The following DMBT1 variants were observed in gnomAD, a reference collection of about 807,000 sequenced individuals.
DMBT1 encodes the protein scavenger receptor cysteine-rich domain-containing protein DMBT1.
In DMBT1, 198 loss-of-function variants were observed where a neutral mutation model predicts 252.9. The ratio of observed to expected loss-of-function variants is 0.78; its 90% CI spans 0.70 to 0.88. The LOEUF is 0.88. Ranked by LOEUF, DMBT1 falls within the 40% of genes least tolerant of loss-of-function variation. The pLI is 0.00. For missense variants in DMBT1, 2,432 were observed against 2,404.7 expected (o/e 1.01, Z -0.24); for synonymous variants, 990 against 942.7 (o/e 1.05, Z -0.92).
At chr10:122,634,428 TC>T (rs1187460531) in intron 52 of DMBT1, among the ~76,000 whole-genome samples, 6,295 of 76,670 alleles carry the variant, frequency 0.082, 423 homozygotes, top group African/African-American at 0.19. Flanking sequence ...TCTCTCTCTC[TC>T]TTCTCTCTCT....
Position 122,586,272 on chromosome 10 carries a change from C to A in DMBT1, c.1672C>A (p.Leu558Met), listed in dbSNP as rs376015834. 1 of 1,588,752 alleles carries A rather than the reference C, an allele frequency of 6.3e-7. No individual in the cohort carries two copies. Among genetic ancestry groups the A allele is most frequent in the Admixed American group, 1.7e-5 (1 of 59,522 alleles). Reference sequence around the variant, plus strand: ...TGGTCAGGGCTCAGGACCCATTGTCCTGGATGACGTGCGCTGCTCAGGGAA... The same window carrying A: ...TGGTCAGGGCTCAGGACCCATTGTCATGGATGACGTGCGCTGCTCAGGGAA... ...RFGQGSGPIVLDDVRCSGNES... is the reference protein window; with the variant it reads ...RFGQGSGPIVMDDVRCSGNES... Residue 558 changes from leucine (L) to methionine (M), a missense_variant, in exon 16 of 56, where the codon CTG becomes ATG. Transcript: ENST00000338354.
chr10:122,579,865 T>G lies in DMBT1; in HGVS notation c.967T>G (p.Cys323Gly), dbSNP rs2097751900. 2 of 1,613,838 alleles carry G rather than the reference T, an allele frequency of 1.2e-6. No homozygotes were observed. The highest frequency in any genetic ancestry group is 1.7e-6 in the Non-Finnish European group (2 of 1,179,764). The change falls in exon 10 of 56, where the codon TGT (cysteine) becomes GGT (glycine). Residue 323 changes from cysteine (C) to glycine (G), a missense_variant. Coordinates refer to ENST00000338354, the MANE Select transcript of DMBT1 (RefSeq NM_001377530.1). ...CPHNGWLTHN[C>G]GHSEDAGVIC... Reference sequence around the variant, plus strand: ...CCACAATGGCTGGCTCACCCACAACTGTGGCCATAGTGAAGACGCTGGTGT... The same window carrying G: ...CCACAATGGCTGGCTCACCCACAACGGTGGCCATAGTGAAGACGCTGGTGT...
rs779675081 is a variant in DMBT1 at position 122,576,674 on chromosome 10, C to T, written c.559C>T (p.Leu187Phe). The change falls in exon 7 of 56, where the codon CTC becomes TTC. Residue 187 changes from leucine (L) to phenylalanine (F), a missense_variant. Physicochemically the swap from Leu to Phe is conservative, Grantham distance 22. Coordinates refer to ENST00000338354, the MANE Select transcript of DMBT1 (RefSeq NM_001377530.1). Reference sequence around the variant, plus strand: ...GTGGAGCTGCCCCCACAATGGCTGGCTCTCCCATAACTGTGGCCATGGTGA... The same window carrying T: ...GTGGAGCTGCCCCCACAATGGCTGGTTCTCCCATAACTGTGGCCATGGTGA... ...YLWSCPHNGW[L>F]SHNCGHGEDA... 7 of 1,613,690 alleles carry T rather than the reference C, an allele frequency of 4.3e-6. No homozygotes were observed. Among genetic ancestry groups the T allele is most frequent in the East Asian group, 2.2e-5 (1 of 44,892 alleles).
rs1300388440 is a variant in DMBT1, at chr10:122,636,182, C to G, written c.6740C>G (p.Pro2247Arg). 1.2e-6 allele frequency: 2 copies of G among 1,613,410 alleles called. No homozygotes were observed. Among genetic ancestry groups the G allele is most frequent in the African/African-American group, 2.7e-5 (2 of 74,904 alleles). ...RGFRAEYYSS[P>R]SNDSTNLLCL... is the part of the protein sequence containing the mutation. ...TTCCGGGCTGAGTACTACTCCAGTCCCTCCAATGACAGCACCAGTAAGTCC... is the reference window on the plus strand; with the variant it reads ...TTCCGGGCTGAGTACTACTCCAGTCGCTCCAATGACAGCACCAGTAAGTCC... Residue 2247 changes from proline (P) to arginine (R), a missense_variant, in exon 53 of 56, where the codon CCC becomes CGC. By Grantham distance (103) the Pro-to-Arg change is moderately radical. Around this residue, in one of 3 missense-constraint regions of DMBT1, gnomAD observed 1,162 missense variants for 1,169.0 expected, o/e 0.99. Transcript: ENST00000338354.
At chr10:122,621,580 G>A (rs967523937) in intron 44 of DMBT1, among the ~76,000 whole-genome samples, 200 bp downstream of exon 44, 7 of 152,162 alleles carry the variant, frequency 4.6e-5, no homozygotes, top group Non-Finnish European at 8.8e-5. Context: ...GGACCAAACT[G>A]AAACAACAAC....
intron 6 of DMBT1, among the ~76,000 whole-genome samples, 163 bp downstream of exon 6, chr10:122,573,925 A>C (rs1262297246): frequency 6.6e-6 from 1 of 152,148 alleles, no homozygotes; most frequent in Non-Finnish European, 1.5e-5. Flanking sequence ...TATATCTTGC[A>C]TCGATCATGT....
At chr10:122,617,498 G>T (rs902532276) in intron 40 of DMBT1, among the ~76,000 whole-genome samples, 1 of 151,444 alleles carries the variant, frequency 6.6e-6, no homozygotes, top group South Asian at 2.1e-4. Context: ...TCCTCATCCA[G>T]GTGCTCAGGA....
chr10:122,566,338 A>G (rs1181296820), intron 2 of DMBT1, among the ~76,000 whole-genome samples: 1 of 78,522 alleles, frequency 1.3e-5, no homozygotes. Context: ...TTTGAGATGG[A>G]GTCTTGCTCT....
intron 49 of DMBT1, among the ~76,000 whole-genome samples, 161 bp from the exon 50 acceptor site, chr10:122,631,694 G>A (rs529887335): frequency 6.6e-6 from 1 of 152,246 alleles, no homozygotes; most frequent in African/African-American, 2.4e-5. Context: ...AGCATCTGGG[G>A]AAGCTGGGAA....
chr10:122,618,063 G>T lies in DMBT1; in HGVS notation c.4938G>T (p.Arg1646Ser). ...TGAGACTGGTGAATGGAGGTGACAG[G>T]TGTCGAGGCCGAGTGGAGGTCCTAT... ...LALRLVNGGDRCRGRVEVLYQ... is the reference protein window; with the variant it reads ...LALRLVNGGDSCRGRVEVLYQ... The change falls in exon 41 of 56, where the codon AGG (arginine) becomes AGT (serine). Residue 1646 changes from arginine to serine, a missense_variant. By Grantham distance (110) the Arg-to-Ser change is moderately radical. Transcript: ENST00000338354. 1 of 1,613,630 alleles carries T rather than the reference G, an allele frequency of 6.2e-7. No homozygotes were observed. The highest frequency in any genetic ancestry group is 8.5e-7 in the Non-Finnish European group (1 of 1,179,812).
chr10:122,631,125 G>C lies in DMBT1; in HGVS notation c.6190G>C (p.Ala2064Pro). 6.2e-7 allele frequency: 1 copy of C among 1,614,000 alleles called. No individual in the cohort carries two copies. The highest frequency in any genetic ancestry group is 8.5e-7 in the Non-Finnish European group (1 of 1,179,898). The change falls in exon 49 of 56, where the codon GCC becomes CCC. Residue 2064 changes from alanine to proline, a missense_variant. Transcript: ENST00000338354. ...GCTAGGGTGTGGACGTGCAGTTTCAGCCCTTGGAAATGCATATTTTGGCTC... is the reference window on the plus strand; with the variant it reads ...GCTAGGGTGTGGACGTGCAGTTTCACCCCTTGGAAATGCATATTTTGGCTC... ...RQLGCGRAVS[A>P]LGNAYFGSGS...
At chr10:122,572,532 C>T (rs563136127) in intron 5 of DMBT1, among the ~76,000 whole-genome samples, 171 bp downstream of exon 5, 1 of 152,180 alleles carries the variant, frequency 6.6e-6, no homozygotes, top group East Asian at 1.9e-4. Context: ...GAGTCCATAT[C>T]ACCACACACG....
At chr10:122,640,513 C>A in intron 55 of DMBT1, 64 bp downstream of exon 55, 1 of 1,507,364 alleles carries the variant, frequency 6.6e-7, no homozygotes, top group Non-Finnish European at 8.8e-7. Context: ...TGAGTAGCCC[C>A]AAAGGCTTGA....
At chr10:122,570,861 A>C in intron 3 of DMBT1, 29 bp from the exon 4 acceptor site, 1 of 1,609,850 alleles carries the variant, frequency 6.2e-7, no homozygotes, top group South Asian at 1.1e-5. Flanking sequence ...GGCTACCATC[A>C]ATGAGCTCTT....
At chr10:122,592,910 G>A (rs974355166) in intron 20 of DMBT1, among the ~76,000 whole-genome samples, 24 of 148,730 alleles carry the variant, frequency 1.6e-4, no homozygotes, top group African/African-American at 5.8e-4. Flanking sequence ...GTAGCACTGG[G>A]TGAGGGTATC....
At chr10:122,570,309 A>G (rs1008735584) in intron 3 of DMBT1, 100 bp downstream of exon 3, 2 of 1,025,800 alleles carry the variant, frequency 1.9e-6, no homozygotes, top group Non-Finnish European at 3.0e-6. Flanking sequence ...ACTTCTAGCA[A>G]CTCTGGCATT....
chr10:122,592,824 C>G (rs558524772), intron 20 of DMBT1, among the ~76,000 whole-genome samples: 1 of 148,724 alleles, frequency 6.7e-6, no homozygotes, highest in African/African-American at 2.4e-5. Flanking sequence ...GACTTTATCC[C>G]CTTCCTGAGG....
chr10:122,630,027 G>C, intron 47 of DMBT1, 34 bp downstream of exon 47: 1 of 1,612,214 alleles, frequency 6.2e-7, no homozygotes, highest in Non-Finnish European at 8.5e-7. Flanking sequence ...TGAGGGGTGA[G>C]TTCCTCTGCA....
chr10:122,626,592 A>G (rs1017588480), intron 46 of DMBT1, among the ~76,000 whole-genome samples: 1 of 152,208 alleles, frequency 6.6e-6, no homozygotes, highest in Non-Finnish European at 1.5e-5. Flanking sequence ...TACTTCATGC[A>G]TATTAACTTT....
Sources: allele counts gnomAD v4.1 joint callset (sites outside exome capture counted in the v4.1 genomes callset), GRCh38; gene constraint gnomAD v4.1.1; regional missense constraint gnomAD v4.1.1; transcripts MANE v1.5; gene names NCBI Gene and HGNC (gene_info 2026-07-23, HGNC 2026-07-21).